The following LRP1 variants were observed in gnomAD, a reference collection of about 807,000 sequenced individuals.
LRP1 encodes prolow-density lipoprotein receptor-related protein 1.
In LRP1, 51 loss-of-function variants were observed where a neutral mutation model predicts 541.5. That is an observed-to-expected ratio of 0.09 (90% confidence interval 0.08 to 0.12). The LOEUF is 0.12. Among genes scored for constraint, LRP1 ranks in the 10% least tolerant of loss-of-function variants. The pLI is 1.00. For synonymous variants in LRP1, 2,219 were observed against 2,470.8 expected (o/e 0.90, Z 3.02); for missense variants, 3,878 against 6,376.2 (o/e 0.61, Z 13.34).
In LRP1 at chr12:57,197,813, C is replaced by G. The variant is rs771506658; in HGVS notation, c.9282+149C>G. 1.1e-6 allele frequency: 1 copy of G among 929,536 alleles called. No individual in the cohort carries two copies. The highest frequency in any genetic ancestry group is 1.6e-6 in the Non-Finnish European group (1 of 633,002). The allele number at this position is 929,536 out of a possible 1,614,324, so 57.6% of individuals were successfully genotyped here. A position where few individuals can be genotyped will look rare whatever the true frequency, so the allele number is the denominator to read the frequency against. On this transcript the variant is annotated intron_variant, in intron 58 of 88. Transcript: ENST00000243077. The surrounding 1 kb of genome is among the most constrained non-coding windows in gnomAD (Gnocchi z 4.5). ...CTGCTTGTTCTAGCTGCTCACTCTC[C>G]TCTGGGCCCAGACAGCAAGGACTGG...
chr12:57,208,696 C>G lies in LRP1; in HGVS notation c.12039-15C>G. On this transcript the variant is annotated splice_polypyrimidine_tract_variant and intron_variant, in intron 77 of 88. Coordinates refer to ENST00000243077, the MANE Select transcript of LRP1 (RefSeq NM_002332.3). ...CCCTCCGGCCTGCCCACACTCACCC[C>G]TTCTCCCTCCCCAGGACCATGTACT... The G allele has an allele frequency of 1.3e-6, 2 of 1,581,664 alleles. No individual in the cohort carries two copies. The highest frequency in any genetic ancestry group is 4.5e-5 in the East Asian group (2 of 44,592).
chr12:57,199,884 T>A lies in LRP1; in HGVS notation c.9873T>A (p.Asn3291Lys), dbSNP rs1312666631. The stretch of plus-strand genomic sequence containing the variant: ...CGACGTTTTCTCTGGCAGTGCCCAA[T>A]CACCCCTGCAAGGTCAACAATGGTG... ...FHALRQPDVPNHPCKVNNGGC... is the reference protein window; with the variant it reads ...FHALRQPDVPKHPCKVNNGGC... Residue 3291 changes from asparagine (N) to lysine (K), a missense_variant, in exon 62 of 89, where the codon AAT becomes AAA. By Grantham distance (94) the Asn-to-Lys change is moderately conservative. Coordinates refer to ENST00000243077, the MANE Select transcript of LRP1 (RefSeq NM_002332.3). 6.9e-6 allele frequency: 11 copies of A among 1,584,842 alleles called. No homozygotes were observed. Among genetic ancestry groups the A allele is most frequent in the Non-Finnish European group, 8.6e-6 (10 of 1,169,142 alleles).
Position 57,156,427 on chromosome 12 carries a change from G to C in LRP1, c.1417+144G>C. The C allele has an allele frequency of 1.1e-6, 1 of 879,998 alleles. No individual in the cohort carries two copies. Among genetic ancestry groups the C allele is most frequent in the South Asian group, 1.8e-5 (1 of 56,062 alleles). The allele number at this position is 879,998 out of a possible 1,614,324, so 54.5% of individuals were successfully genotyped here. ...GACCGATTCTCCTAGCCAGCCACTCGGGCTACCTGCCCTGGCCCCTCAGCT... is the reference window on the plus strand; with the variant it reads ...GACCGATTCTCCTAGCCAGCCACTCCGGCTACCTGCCCTGGCCCCTCAGCT... On this transcript the variant is annotated intron_variant, in intron 9 of 88. Coordinates refer to ENST00000243077, the MANE Select transcript of LRP1 (RefSeq NM_002332.3). The surrounding 1 kb of genome is among the most constrained non-coding windows in gnomAD (Gnocchi z 5.2).
At chr12:57,199,084 T>G in intron 60 of LRP1, 128 bp from the exon 61 acceptor site, 1 of 847,612 alleles carries the variant, frequency 1.2e-6, no homozygotes, top group Non-Finnish European at 1.9e-6. Context: ...GTCTGTACCA[T>G]GAACCATCTG....
Position 57,173,174 on chromosome 12 carries a change from G to A in LRP1, c.3170G>A (p.Arg1057Lys), listed in dbSNP as rs781606357. The change falls in exon 21 of 89, where the codon AGG becomes AAG. Residue 1057 changes from arginine to lysine, a missense_variant. By Grantham distance (26) the Arg-to-Lys change is conservative (BLOSUM62 2). This residue lies in a region of LRP1 where 320 missense variants were observed against 547.9 expected (regional missense o/e 0.58). Transcript: ENST00000243077. The surrounding 1 kb of genome is among the most constrained non-coding windows in gnomAD (Gnocchi z 4.7). ...CTCCACTGTCCCTCTGCAGCCACGA[G>A]GCCCCCTGGTGGCTGCCACACTGAT... Reference protein sequence around the residue: ...THANCTNQATRPPGGCHTDEF... With the variant: ...THANCTNQATKPPGGCHTDEF... 6.2e-7 allele frequency: 1 copy of A among 1,606,122 alleles called. No homozygotes were observed. The highest frequency in any genetic ancestry group is 8.5e-7 in the Non-Finnish European group (1 of 1,174,920).
intron 20 of LRP1, among the ~76,000 whole-genome samples, chr12:57,171,427 C>T (rs555449724): frequency 4.8e-4 from 73 of 152,206 alleles, no homozygotes; most frequent in African/African-American, 1.6e-3. Context: ...CTGAGCACTT[C>T]CGTAGGGTGA....
rs116338615 is a variant in LRP1, at chr12:57,164,256, G to A, written c.2530+1273G>A. Among the ~76,000 whole-genome samples, 227 of 152,262 alleles carry A rather than the reference G, an allele frequency of 1.5e-3. 1 individual carries two copies. The highest frequency in any genetic ancestry group is 5.1e-3 in the African/African-American group (212 of 41,546). On this transcript the variant is annotated intron_variant, in intron 15 of 88. Coordinates refer to ENST00000243077, the MANE Select transcript of LRP1 (RefSeq NM_002332.3). ...CAAATCATCCCAGATTCCACCACCTGTAGATAACCACTGTTACCATTTGGG... is the reference window on the plus strand; with the variant it reads ...CAAATCATCCCAGATTCCACCACCTATAGATAACCACTGTTACCATTTGGG...
Position 57,211,455 on chromosome 12 carries a change from C to T in LRP1, c.13092-32C>T, listed in dbSNP as rs746984876. ...AGCATCCCAGGCACGCCTCTGCCAG[C>T]CCCAGCCCCAGCCTCTGATTCCTTC... On this transcript the variant is annotated intron_variant, in intron 84 of 88. Coordinates refer to ENST00000243077, the MANE Select transcript of LRP1 (RefSeq NM_002332.3). This position sits in a 1 kb window ranked among gnomAD's most constrained non-coding sequence, Gnocchi z 4.3. 1 of 1,610,362 alleles carries T rather than the reference C, an allele frequency of 6.2e-7. No homozygotes were observed. Among genetic ancestry groups the T allele is most frequent in the Non-Finnish European group, 8.5e-7 (1 of 1,178,244 alleles).
intron 1 of LRP1, among the ~76,000 whole-genome samples, chr12:57,130,028 G>C (rs926983730): frequency 7.9e-5 from 12 of 152,126 alleles, no homozygotes; most frequent in Non-Finnish European, 1.6e-4. Flanking sequence ...TGGGGAAATG[G>C]GGTGCCTCTC....
rs1002995771 is a variant in LRP1 at position 57,177,375 on chromosome 12, C to T, written c.4197-52C>T. 3.5e-5 allele frequency: 55 copies of T among 1,561,694 alleles called. No individual in the cohort carries two copies. The highest frequency in any genetic ancestry group is 6.7e-5 in the East Asian group (3 of 44,460). ...CCTCTACCTACGATCCCACCACAGT[C>T]GCTCCCTGAGGGCCCTGACTTTAGC... On this transcript the variant is annotated intron_variant, in intron 25 of 88. Transcript: ENST00000243077. The surrounding 1 kb of genome is among the most constrained non-coding windows in gnomAD (Gnocchi z 6.8).
rs200529060 is a variant in LRP1 at position 57,170,525 on chromosome 12, G to GA, written c.3163+1230dup. Among the ~76,000 whole-genome samples, 106 of 128,998 alleles carry GA rather than the reference G, an allele frequency of 8.2e-4. 1 individual carries two copies. Among genetic ancestry groups the GA allele is most frequent in the East Asian group, 7.0e-3 (30 of 4,312 alleles). The allele number at this position is 128,998 out of a possible 152,430, so 84.6% of individuals were successfully genotyped here. A position where few individuals can be genotyped will look rare whatever the true frequency, so the allele number is the denominator to read the frequency against. On this transcript the variant is annotated intron_variant, in intron 20 of 88. Coordinates refer to ENST00000243077, the MANE Select transcript of LRP1 (RefSeq NM_002332.3). ...GAGAACCCATCTTGAAAAAAGAAAAGAAAAAAAAAAAAGGCTGGGTGTGTT... is the reference window on the plus strand; with the variant it reads ...GAGAACCCATCTTGAAAAAAGAAAAGAAAAAAAAAAAAAGGCTGGGTGTGTT...
intron 67 of LRP1, 143 bp from the exon 68 acceptor site, chr12:57,202,278 A>G: frequency 1.4e-6 from 1 of 728,370 alleles, no homozygotes; most frequent in Non-Finnish European, 2.5e-6. Context: ...CACGTCTCAA[A>G]ACACCGCCTG....
In LRP1 at chr12:57,210,391, G is replaced by A; in HGVS notation, c.12665G>A (p.Cys4222Tyr). Residue 4222 changes from cysteine (C) to tyrosine (Y), a missense_variant, in exon 82 of 89, where the codon TGC becomes TAC. Physicochemically the swap from Cys to Tyr is radical, Grantham distance 194. Transcript: ENST00000243077. ...GCACGGAGGCAGCCCAAGTGCCGCTGCCAACCCCGCTACACGGGTGACAAG... is the reference window on the plus strand; with the variant it reads ...GCACGGAGGCAGCCCAAGTGCCGCTACCAACCCCGCTACACGGGTGACAAG... The part of the protein sequence containing the change: ...LNARRQPKCR[C>Y]QPRYTGDKCE... The A allele has an allele frequency of 6.2e-7, 1 of 1,606,928 alleles. No individual in the cohort carries two copies. Among genetic ancestry groups the A allele is most frequent in the Non-Finnish European group, 8.5e-7 (1 of 1,175,776 alleles).
intron 17 of LRP1, 90 bp from the exon 18 acceptor site, chr12:57,166,840 G>A: frequency 1.3e-6 from 1 of 741,850 alleles, no homozygotes. Context: ...TTGGAAATAA[G>A]GGACACCAAA....
chr12:57,129,064 TG>T, intron 1 of LRP1, 33 bp downstream of exon 1: 6 of 1,546,680 alleles, frequency 3.9e-6, no homozygotes, highest in Non-Finnish European at 4.4e-6. Context: ...CTTGGACCCC[TG>T]GGGGCACCCT....
chr12:57,176,516 T>C (rs934956989), intron 24 of LRP1, among the ~76,000 whole-genome samples: 4 of 152,156 alleles, frequency 2.6e-5, no homozygotes, highest in Non-Finnish European at 5.9e-5. Flanking sequence ...CATGCAGCAG[T>C]GATCAAAACA....
At chr12:57,176,691 T>G (rs780880384) in intron 24 of LRP1, among the ~76,000 whole-genome samples, 9 of 152,164 alleles carry the variant, frequency 5.9e-5, no homozygotes, top group Non-Finnish European at 1.3e-4. Flanking sequence ...GGAGGCTAAG[T>G]AAACTGTGAT....
In LRP1 at chr12:57,198,524, G is replaced by A. The variant is rs1379180609; in HGVS notation, c.9530G>A (p.Gly3177Glu). 6.2e-7 allele frequency: 1 copy of A among 1,613,942 alleles called. No individual in the cohort carries two copies. The change falls in exon 60 of 89, where the codon GGG becomes GAG. Residue 3177 changes from glycine to glutamate, a missense_variant. Coordinates refer to ENST00000243077, the MANE Select transcript of LRP1 (RefSeq NM_002332.3). The stretch of plus-strand genomic sequence containing the variant: ...CTGATCGGCCGCATCGGCATGGATG[G>A]GTCCAGCCGCAGCGTCATCGTGGAC... The part of the protein sequence containing the change: ...HSLIGRIGMD[G>E]SSRSVIVDTK...
Position 57,165,573 on chromosome 12 carries a change from A to T in LRP1, c.2531-232A>T. 2.0e-6 allele frequency: 1 copy of T among 510,330 alleles called. No homozygotes were observed. Among genetic ancestry groups the T allele is most frequent in the Non-Finnish European group, 3.5e-6 (1 of 284,266 alleles). 31.6% of individuals were successfully genotyped at this position (510,330 alleles called of 1,614,324 possible). On this transcript the variant is annotated intron_variant, in intron 15 of 88. Transcript: ENST00000243077. The surrounding 1 kb of genome is among the most constrained non-coding windows in gnomAD (Gnocchi z 4.5). ...CTCTCTTGGACACCATTTGATTCTC[A>T]GGTCACACTGAAGTACAGTAAGCAT...
Sources: allele counts gnomAD v4.1 joint callset (sites outside exome capture counted in the v4.1 genomes callset), GRCh38; gene constraint gnomAD v4.1.1; regional missense constraint gnomAD v4.1.1; non-coding constraint Gnocchi (gnomAD v3.1); transcripts MANE v1.5; gene names NCBI Gene and HGNC (gene_info 2026-07-23, HGNC 2026-07-21).